Variants in CPNE4 observed in about 807,000 individuals in gnomAD.
CPNE4 encodes the protein copine-4.
In CPNE4, 25 loss-of-function variants were observed where a neutral mutation model predicts 67.9. The ratio of observed to expected loss-of-function variants is 0.37; its 90% CI spans 0.27 to 0.51. The LOEUF is 0.51. Among genes scored for constraint, CPNE4 ranks in the 20% least tolerant of loss-of-function variants. CPNE4 has a pLI of 0.93. For missense variants in CPNE4, 464 were observed against 690.8 expected, an observed-to-expected ratio of 0.67 and a Z score of 3.68; for synonymous variants, 242 against 244.9, an observed-to-expected ratio of 0.99 and a Z score of 0.11.
chr3:131,986,164 C>T (rs751296336), intron 1 of CPNE4, among the ~76,000 whole-genome samples: 1 of 149,368 alleles, frequency 6.7e-6, no homozygotes, highest in Non-Finnish European at 1.5e-5. Context: ...AAGCCCTTCT[C>T]CTTAGCAGTA....
At chr3:131,647,190 C>T (rs962808099) in intron 7 of CPNE4, among the ~76,000 whole-genome samples, 6 of 152,220 alleles carry the variant, frequency 3.9e-5, no homozygotes, top group Admixed American at 3.3e-4. Flanking sequence ...AGTAAGCAAG[C>T]AGCCAACTGA....
At chr3:131,655,336 A>G (rs961010640) in intron 7 of CPNE4, among the ~76,000 whole-genome samples, 2 of 152,136 alleles carry the variant, frequency 1.3e-5, no homozygotes. Context: ...AAGTTTGATG[A>G]TATTATTCTA....
In CPNE4 at chr3:131,758,389, G is replaced by T. The variant is rs568116219; in HGVS notation, c.181-34764C>A. On this transcript the variant is annotated intron_variant, in intron 2 of 15. Coordinates refer to ENST00000429747, the MANE Select transcript of CPNE4 (RefSeq NM_130808.3). Reference sequence around the variant, plus strand: ...GACTGCCCTACTGGTTTTTAGACTTGCATGGACCCTGTAACGTCTTGTTTT... The same window carrying T: ...GACTGCCCTACTGGTTTTTAGACTTTCATGGACCCTGTAACGTCTTGTTTT... 2.3e-4 allele frequency among the ~76,000 whole-genome samples: 35 copies of T among 152,278 alleles called. No individual in the cohort carries two copies. The South Asian group carries it at 7.3e-3, about 32-fold the overall frequency.
intron 1 of CPNE4, among the ~76,000 whole-genome samples, chr3:132,016,879 C>G (rs1583602212): frequency 6.6e-6 from 1 of 152,196 alleles, no homozygotes; most frequent in East Asian, 1.9e-4. Context: ...CTATTATCGC[C>G]TTTTCACATG....
At chr3:131,599,799 C>T (rs1014946755) in intron 7 of CPNE4, among the ~76,000 whole-genome samples, 2 of 152,124 alleles carry the variant, frequency 1.3e-5, no homozygotes, top group African/African-American at 4.8e-5. Flanking sequence ...GGGTGAGGCA[C>T]AGCTAAGTAA....
rs193234991 is a variant in CPNE4, at chr3:131,953,303, T to C, written c.-1-47859A>G. 5.2e-3 allele frequency among the ~76,000 whole-genome samples: 784 copies of C among 151,494 alleles called. 15 individuals are homozygous for C. Among genetic ancestry groups the C allele is most frequent in the African/African-American group, 0.018 (741 of 41,266 alleles). ...GTAGGCATCCTTGTCTTTTTCCAGT[T>C]CTTATAGGAAAGGCTTTCAGTTTTT... On this transcript the variant is annotated intron_variant, in intron 1 of 15. Transcript: ENST00000429747.
intron 2 of CPNE4, among the ~76,000 whole-genome samples, chr3:131,794,229 T>C (rs559279205): frequency 1.3e-5 from 2 of 150,740 alleles, no homozygotes; most frequent in East Asian, 3.9e-4. Flanking sequence ...TCCAGTTCAA[T>C]TTTGGAAACA....
chr3:131,841,141 C>T lies in CPNE4; in HGVS notation c.180+64123G>A, dbSNP rs189974571. ...TAGGAAGTATCAGGTCTTCATGTTTCAACCTCTTGTTGGCAGAAAAAAGGA... is the reference window on the plus strand; with the variant it reads ...TAGGAAGTATCAGGTCTTCATGTTTTAACCTCTTGTTGGCAGAAAAAAGGA... On this transcript the variant is annotated intron_variant, in intron 2 of 15. Transcript: ENST00000429747. 4.7e-3 allele frequency among the ~76,000 whole-genome samples: 712 copies of T among 152,314 alleles called. 3 individuals are homozygous for T. The highest frequency in any genetic ancestry group is 0.021 in the South Asian group (103 of 4,822).
intron 7 of CPNE4, among the ~76,000 whole-genome samples, chr3:131,607,075 C>T (rs1418976450): frequency 6.8e-6 from 1 of 146,028 alleles, no homozygotes; most frequent in African/African-American, 2.7e-5. Flanking sequence ...ACCACTGAAA[C>T]TCTGTTTGTC....
chr3:131,580,629 C>A (rs1937765632), intron 9 of CPNE4, among the ~76,000 whole-genome samples: 1 of 151,980 alleles, frequency 6.6e-6, no homozygotes, highest in African/African-American at 2.4e-5. Flanking sequence ...AGGTACATAA[C>A]CTCAATTGAA....
chr3:131,690,940 T>A (rs534909067), intron 5 of CPNE4, among the ~76,000 whole-genome samples: 2 of 152,202 alleles, frequency 1.3e-5, no homozygotes, highest in South Asian at 4.1e-4. Context: ...GTGGTCAACA[T>A]ACATATGAAA....
intron 2 of CPNE4, 71 bp downstream of exon 2, chr3:131,905,193 T>C: frequency 1.5e-6 from 2 of 1,324,436 alleles, no homozygotes; most frequent in Non-Finnish European, 2.1e-6. Flanking sequence ...CACCTGAAGA[T>C]ATAAAATATC....
At position 131,923,431 on chromosome 3, in the gene CPNE4, G is replaced by T. The variant is rs117505455; in HGVS notation, c.-1-17987C>A. On this transcript the variant is annotated intron_variant, in intron 1 of 15. Coordinates refer to ENST00000429747, the MANE Select transcript of CPNE4 (RefSeq NM_130808.3). ...GAAAATCCAACAGAACTGGCTGGGC[G>T]CAGTGGCTCACGCCTGTATTTCCAG... 8.5e-5 allele frequency among the ~76,000 whole-genome samples: 13 copies of T among 152,248 alleles called. No homozygotes were observed. In the South Asian group the frequency reaches 1.4e-3, roughly 17 times the overall value.
At chr3:131,539,364 C>CACTTA (rs745398336) in intron 15 of CPNE4, among the ~76,000 whole-genome samples, 1 of 152,210 alleles carries the variant, frequency 6.6e-6, no homozygotes, top group African/African-American at 2.4e-5. Flanking sequence ...TTTCCTCAAA[C>CACTTA]ACTTAACTTA....
chr3:131,878,649 C>G (rs191586541), intron 2 of CPNE4, among the ~76,000 whole-genome samples: 28 of 152,222 alleles, frequency 1.8e-4, no homozygotes, highest in Non-Finnish European at 3.8e-4. Context: ...GACATTCCTC[C>G]AAAGAAAGAC....
At chr3:132,023,207 C>A (rs920794402) in intron 1 of CPNE4, among the ~76,000 whole-genome samples, 5 of 152,164 alleles carry the variant, frequency 3.3e-5, no homozygotes, top group African/African-American at 9.7e-5. Flanking sequence ...TCCAATCGTT[C>A]ATCTTTTTTC....
intron 1 of CPNE4, among the ~76,000 whole-genome samples, chr3:131,941,175 G>A (rs2071374003): frequency 6.6e-6 from 1 of 152,064 alleles, no homozygotes; most frequent in South Asian, 2.1e-4. Flanking sequence ...AATTTTGCAA[G>A]CTGGTTGTTA....
At chr3:131,968,530 G>A (rs900931359) in intron 1 of CPNE4, among the ~76,000 whole-genome samples, 4 of 151,840 alleles carry the variant, frequency 2.6e-5, no homozygotes, top group African/African-American at 9.7e-5. Flanking sequence ...CAATCCCATC[G>A]AAAGTGGGCA....
intron 2 of CPNE4, among the ~76,000 whole-genome samples, chr3:131,756,257 TC>T (rs1360393418): frequency 6.6e-6 from 1 of 152,140 alleles, no homozygotes; most frequent in East Asian, 1.9e-4. Context: ...CCTGTTCAGC[TC>T]CCCCTTATCA....
Sources: gnomAD v4.1 joint callset for allele counts (sites outside exome capture counted in the v4.1 genomes callset) on GRCh38, gnomAD v4.1.1 for gene constraint, MANE v1.5 for transcripts, NCBI Gene and HGNC (gene_info 2026-07-23, HGNC 2026-07-21) for gene names.